The following AMBRA1 variants were observed in gnomAD, a reference collection of about 807,000 sequenced individuals.
AMBRA1 encodes activating molecule in BECN1-regulated autophagy protein 1.
In AMBRA1, 47 loss-of-function variants were observed where a neutral mutation model predicts 125.4. The ratio of observed to expected loss-of-function variants is 0.37; its 90% CI spans 0.30 to 0.48. The LOEUF (loss-of-function observed/expected upper bound fraction) is 0.48, where lower values mean the gene tolerates loss of function less well. Ranked by LOEUF, AMBRA1 falls within the 20% of genes least tolerant of loss-of-function variation. The probability of loss-of-function intolerance (pLI) is 0.99; values close to 1 mark genes in which losing one functional copy is unlikely to be tolerated. For synonymous variants in AMBRA1, 626 were observed against 655.5 expected (o/e 0.95, Z 0.69); for missense variants, 1,331 against 1,693.4 (o/e 0.79, Z 3.76).
intron 7 of AMBRA1, among the ~76,000 whole-genome samples, chr11:46,541,398 T>G (rs1227215797): frequency 1.3e-5 from 2 of 152,182 alleles, no homozygotes; most frequent in African/African-American, 4.8e-5. Context: ...TTGGAATTTT[T>G]CTTGACATAC....
intron 15 of AMBRA1, among the ~76,000 whole-genome samples, chr11:46,411,099 C>CA (rs59903160): frequency 0.24 from 14,287 of 58,992 alleles, 942 homozygotes; most frequent in Non-Finnish European, 0.28. Flanking sequence ...GACTCTGTCT[C>CA]AAAAAAAAAA....
chr11:46,586,132 C>T (rs1190518046), intron 1 of AMBRA1, among the ~76,000 whole-genome samples: 3 of 152,154 alleles, frequency 2.0e-5, no homozygotes, highest in Non-Finnish European at 4.4e-5. Flanking sequence ...TAAAACTGGA[C>T]GCACTGGCTC....
chr11:46,441,766 T>G (rs1165312934), intron 12 of AMBRA1, among the ~76,000 whole-genome samples: 2 of 152,018 alleles, frequency 1.3e-5, no homozygotes, highest in African/African-American at 2.4e-5. Context: ...TGTCAAGGAT[T>G]TGGAAATCAG....
intron 11 of AMBRA1, among the ~76,000 whole-genome samples, chr11:46,470,580 C>T (rs1167643293): frequency 1.5e-5 from 2 of 134,600 alleles, no homozygotes; most frequent in Non-Finnish European, 1.5e-5. Flanking sequence ...CAGAGTGAGA[C>T]TCCGTCTCAA....
chr11:46,457,337 G>C (rs779410228), intron 11 of AMBRA1, among the ~76,000 whole-genome samples: 7 of 152,216 alleles, frequency 4.6e-5, no homozygotes, highest in African/African-American at 7.2e-5. Context: ...ACAGAACTTG[G>C]TGGTCAAAGG....
intron 14 of AMBRA1, among the ~76,000 whole-genome samples, chr11:46,429,728 AAATT>A (rs1179317775): frequency 1.3e-5 from 2 of 152,140 alleles, no homozygotes; most frequent in Non-Finnish European, 2.9e-5. Context: ...CTATTTTAGA[AAATT>A]AATTGCAGTT....
intron 14 of AMBRA1, among the ~76,000 whole-genome samples, chr11:46,426,932 A>G (rs1477892109): frequency 1.3e-5 from 2 of 152,178 alleles, no homozygotes; most frequent in East Asian, 3.8e-4. Flanking sequence ...TATTTTTGGT[A>G]TTTGCCACCC....
At chr11:46,431,444 T>C (rs951492448) in intron 14 of AMBRA1, among the ~76,000 whole-genome samples, 4 of 152,214 alleles carry the variant, frequency 2.6e-5, no homozygotes, top group African/African-American at 9.6e-5. Context: ...CAGCCCCATA[T>C]GTGACAACAG....
At chr11:46,553,367 A>G (rs2135211227) in intron 1 of AMBRA1, among the ~76,000 whole-genome samples, 1 of 152,360 alleles carries the variant, frequency 6.6e-6, no homozygotes, top group East Asian at 1.9e-4. Context: ...AAATACAGAC[A>G]GAAAAAAACA....
intron 7 of AMBRA1, among the ~76,000 whole-genome samples, chr11:46,524,522 A>G (rs898043825): frequency 6.6e-6 from 1 of 152,210 alleles, no homozygotes; most frequent in Non-Finnish European, 1.5e-5. Flanking sequence ...TGAGCCTTAG[A>G]ATCAGACAGA....
intron 11 of AMBRA1, among the ~76,000 whole-genome samples, chr11:46,446,191 AT>A (rs996349036): frequency 2.0e-5 from 3 of 152,014 alleles, no homozygotes; most frequent in Admixed American, 6.5e-5. Context: ...AAGGAGAGTC[AT>A]TTTTTTTGTG....
intron 17 of AMBRA1, among the ~76,000 whole-genome samples, chr11:46,402,459 T>G (rs1328231429): frequency 6.6e-6 from 1 of 152,150 alleles, no homozygotes; most frequent in Non-Finnish European, 1.5e-5. Context: ...CCTCCCAGGT[T>G]CAAGCAATTC....
chr11:46,418,731 G>C (rs1031547337), intron 14 of AMBRA1, among the ~76,000 whole-genome samples: 2 of 152,214 alleles, frequency 1.3e-5, no homozygotes, highest in South Asian at 2.1e-4. Context: ...CTTAGTTTTG[G>C]GGAGAGCTAG....
rs149841963 is a variant in AMBRA1, at chr11:46,457,312, G to C, written c.2522-13714C>G. 1.8e-4 allele frequency among the ~76,000 whole-genome samples: 28 copies of C among 152,270 alleles called. No homozygotes were observed. The East Asian group carries it at 3.7e-3, about 20-fold the overall frequency. Reference sequence around the variant, plus strand: ...CAGCGACAGACAGGCTAAGCTCCAAGGGCTAACAAATCCCACAGAACTTGG... The same window carrying C: ...CAGCGACAGACAGGCTAAGCTCCAACGGCTAACAAATCCCACAGAACTTGG... On this transcript the variant is annotated intron_variant, in intron 11 of 17. Coordinates refer to ENST00000683756, the MANE Select transcript of AMBRA1 (RefSeq NM_001387011.1).
At position 46,543,250 on chromosome 11, in the gene AMBRA1, A is replaced by G; in HGVS notation, c.767T>C (p.Val256Ala). Residue 256 changes from valine to alanine, a missense_variant, in exon 7 of 18, where the codon GTG becomes GCG. By Grantham distance (64) the Val-to-Ala change is moderately conservative. Coordinates refer to ENST00000683756, the MANE Select transcript of AMBRA1 (RefSeq NM_001387011.1). Reference sequence around the variant, plus strand: ...ATCTTGCACTGTGCTTTGCTCTCCCACCTGGATGCCAGAAGAGCGGGAGGA... The same window carrying G: ...ATCTTGCACTGTGCTTTGCTCTCCCGCCTGGATGCCAGAAGAGCGGGAGGA... ...MLSSRSSGIQ[V>A]GEQSTVQDSA... 6.2e-7 allele frequency: 1 copy of G among 1,613,822 alleles called. No individual in the cohort carries two copies. The highest frequency in any genetic ancestry group is 8.5e-7 in the Non-Finnish European group (1 of 1,179,970).
intron 11 of AMBRA1, among the ~76,000 whole-genome samples, chr11:46,488,443 C>CA (rs965127054): frequency 6.3e-5 from 9 of 143,038 alleles, no homozygotes; most frequent in African/African-American, 1.6e-4. Context: ...GGCTCTGTCT[C>CA]AAAAAAACAA....
At chr11:46,469,119 C>A (rs1450347927) in intron 11 of AMBRA1, among the ~76,000 whole-genome samples, 1 of 151,708 alleles carries the variant, frequency 6.6e-6, no homozygotes, top group African/African-American at 2.4e-5. Flanking sequence ...CTCCAGCCTG[C>A]GTGACAACAG....
chr11:46,570,615 G>A (rs2043723221), intron 1 of AMBRA1, among the ~76,000 whole-genome samples: 1 of 152,036 alleles, frequency 6.6e-6, no homozygotes, highest in Admixed American at 6.6e-5. Flanking sequence ...AGCTCAACGT[G>A]ATGTTACTTG....
chr11:46,433,346 C>G, intron 14 of AMBRA1, 128 bp downstream of exon 14: 1 of 1,181,338 alleles, frequency 8.5e-7, no homozygotes, highest in Non-Finnish European at 1.1e-6. Context: ...TGACTACAGC[C>G]CTTCCTTACT....
Sources: allele counts gnomAD v4.1 joint callset (sites outside exome capture counted in the v4.1 genomes callset), GRCh38; gene constraint gnomAD v4.1.1; transcripts MANE v1.5; gene names NCBI Gene and HGNC (gene_info 2026-07-23, HGNC 2026-07-21).